DPY30: variants seen among roughly 807,000 people sequenced by gnomAD.
DPY30 encodes the protein dpy-30 histone methyltransferase complex regulatory subunit.
Under a neutral mutation model 16.2 loss-of-function variants are expected in DPY30, and 6 were observed. The observed-to-expected ratio is 0.37, with a 90% confidence interval of 0.20 to 0.73. The LOEUF (loss-of-function observed/expected upper bound fraction) is 0.73. Among genes scored for constraint, DPY30 ranks in the 30% least tolerant of loss-of-function variants. The pLI, the probability that DPY30 is intolerant of heterozygous loss-of-function variation, is 0.51. For missense variants in DPY30, 73 were observed against 113.1 expected, an observed-to-expected ratio of 0.65 and a Z score of 1.61; for synonymous variants, 39 against 38.8, an observed-to-expected ratio of 1.00 and a Z score of -0.02.
At chr2:32,014,629 GC>G (rs1357712235) in intron 5 of DPY30, among the ~76,000 whole-genome samples, 1 of 151,906 alleles carries the variant, frequency 6.6e-6, no homozygotes, top group Non-Finnish European at 1.5e-5. Context: ...GACTACAGGC[GC>G]CCACCACCAC....
At chr2:32,014,844 A>G (rs1302559272) in intron 5 of DPY30, among the ~76,000 whole-genome samples, 4 of 152,104 alleles carry the variant, frequency 2.6e-5, no homozygotes, top group African/African-American at 9.7e-5. Context: ...GTATGGAAAG[A>G]GTTTCAAAAA....
At chr2:32,031,784 T>A (rs1026906293) in intron 3 of DPY30, among the ~76,000 whole-genome samples, 3 of 151,352 alleles carry the variant, frequency 2.0e-5, no homozygotes, top group African/African-American at 7.3e-5. Context: ...TCCCACCTAC[T>A]CAGGAGGCTG....
intron 4 of DPY30, among the ~76,000 whole-genome samples, chr2:32,028,989 A>G (rs1008740968): frequency 6.6e-6 from 1 of 152,016 alleles, no homozygotes. Context: ...TAATAATAAT[A>G]GGCCGGGCGC....
downstream of DPY30, chr2:32,021,002 C>G (rs897582988): frequency 1.3e-5 from 2 of 152,206 alleles, no homozygotes; most frequent in African/African-American, 4.8e-5. Flanking sequence ...GGCACGGTGG[C>G]TCACGCCTGT....
At chr2:32,038,804 T>C (rs2148673901) in intron 3 of DPY30, among the ~76,000 whole-genome samples, 1 of 152,138 alleles carries the variant, frequency 6.6e-6, no homozygotes, top group Middle Eastern at 3.4e-3. Flanking sequence ...TCCACCATCA[T>C]GCCCGGCTAA....
chr2:32,012,729 C>T (rs759520116), intron 5 of DPY30, among the ~76,000 whole-genome samples: 6 of 152,118 alleles, frequency 3.9e-5, no homozygotes, highest in Non-Finnish European at 8.8e-5. Context: ...TGAGCCATCG[C>T]ACCCAGGCCA....
intron 3 of DPY30, among the ~76,000 whole-genome samples, chr2:32,035,413 C>T (rs1675697548): frequency 1.3e-5 from 2 of 150,002 alleles, no homozygotes; most frequent in South Asian, 4.2e-4. Context: ...ACCATCCTGG[C>T]CAACATGGTG....
chr2:32,014,136 A>G (rs774267583), intron 5 of DPY30, among the ~76,000 whole-genome samples: 8 of 152,074 alleles, frequency 5.3e-5, no homozygotes, highest in Non-Finnish European at 1.0e-4. Context: ...AACAACCACA[A>G]TGTCCACCAA....
At chr2:32,014,500 T>C (rs1172637360) in intron 5 of DPY30, among the ~76,000 whole-genome samples, 2 of 151,620 alleles carry the variant, frequency 1.3e-5, no homozygotes, top group Admixed American at 6.6e-5. Context: ...TTTTTTTTTT[T>C]TGAGACGGAG....
intron 4 of DPY30, among the ~76,000 whole-genome samples, chr2:32,028,136 G>T (rs1487685048): frequency 2.7e-5 from 4 of 146,090 alleles, no homozygotes; most frequent in Non-Finnish European, 6.0e-5. Flanking sequence ...TTTGAGGCAG[G>T]GTCTCACTCT....
Position 32,029,680 on chromosome 2 carries a change from A to C in DPY30, c.141T>G (p.Asp47Glu), listed in dbSNP as rs762404774. ...NAEKSSKQKVDLQSLPTRAYL... is the reference protein window; with the variant it reads ...NAEKSSKQKVELQSLPTRAYL... ...AGGCACGAGTTGGCAAAGACTGGAG[A>C]TCTACCTTCTGCTTTGATGACTTTT... is the stretch of plus-strand genomic sequence containing the variant. Residue 47 changes from aspartate to glutamate, a missense_variant, in exon 4 of 5, where the codon GAT (aspartate) becomes GAG (glutamate). By Grantham distance (45) the Asp-to-Glu change is conservative. Transcript: ENST00000342166. 1.2e-6 allele frequency: 2 copies of C among 1,614,036 alleles called. No individual in the cohort carries two copies. Among genetic ancestry groups the C allele is most frequent in the African/African-American group, 2.7e-5 (2 of 74,942 alleles).
At chr2:32,026,099 C>T (rs1009366757) in intron 4 of DPY30, among the ~76,000 whole-genome samples, 3 of 151,862 alleles carry the variant, frequency 2.0e-5, no homozygotes, top group Non-Finnish European at 2.9e-5. Flanking sequence ...CAGAGCAAGA[C>T]TCCATGTCAA....
chr2:32,025,802 A>G (rs544109293), intron 4 of DPY30, among the ~76,000 whole-genome samples: 26 of 140,740 alleles, frequency 1.8e-4, no homozygotes, highest in East Asian at 4.1e-4. Flanking sequence ...GGCCGGGGGG[A>G]AAAAAAAAAC....
At chr2:32,037,310 C>A (rs1222654389) in intron 3 of DPY30, among the ~76,000 whole-genome samples, 2 of 151,826 alleles carry the variant, frequency 1.3e-5, no homozygotes, top group African/African-American at 2.4e-5. Flanking sequence ...AAGTACATAT[C>A]TTTTTTGCTT....
At chr2:32,029,782 GTTATT>G (rs1675465461) in intron 3 of DPY30, 46 bp from the exon 4 acceptor site, 1 of 1,598,720 alleles carries the variant, frequency 6.3e-7, no homozygotes, top group Non-Finnish European at 8.6e-7. Context: ...AAATAACCAG[GTTATT>G]TTGAGTGCTA....
chr2:32,013,749 C>T (rs775446901), intron 5 of DPY30, among the ~76,000 whole-genome samples: 2 of 152,232 alleles, frequency 1.3e-5, no homozygotes, highest in Non-Finnish European at 2.9e-5. Flanking sequence ...GTGGCTCCTG[C>T]CTGTAATCCC....
At chr2:32,012,415 TTTTC>T (rs1674964090) in intron 5 of DPY30, among the ~76,000 whole-genome samples, 1 of 146,640 alleles carries the variant, frequency 6.8e-6, no homozygotes, top group Non-Finnish European at 1.5e-5. Flanking sequence ...CCTCTCTCTT[TTTTC>T]TTTTTTTTTT....
chr2:32,036,208 A>G (rs992813110), intron 3 of DPY30, among the ~76,000 whole-genome samples: 4 of 151,580 alleles, frequency 2.6e-5, no homozygotes, highest in Admixed American at 1.3e-4. Flanking sequence ...AAACTCCTAG[A>G]TTCAAGGAAT....
chr2:32,025,205 C>T (rs1444473521), intron 4 of DPY30, among the ~76,000 whole-genome samples: 1 of 152,146 alleles, frequency 6.6e-6, no homozygotes, highest in Non-Finnish European at 1.5e-5. Context: ...GTGGCTCATG[C>T]CTGTAATCCC....
Sources: allele counts gnomAD v4.1 joint callset (sites outside exome capture counted in the v4.1 genomes callset), GRCh38; gene constraint gnomAD v4.1.1; transcripts MANE v1.5; gene names NCBI Gene and HGNC (gene_info 2026-07-23, HGNC 2026-07-21).